Variants in SPAM1 observed in about 807,000 individuals in gnomAD.
SPAM1 encodes the protein hyaluronidase PH-20.
Under a neutral mutation model 29.6 loss-of-function variants are expected in SPAM1, and 22 were observed. The ratio of observed to expected loss-of-function variants is 0.74; its 90% CI spans 0.53 to 1.06. The LOEUF is 1.06. SPAM1 is among the 50% of genes least tolerant of loss of function. The pLI, the probability that SPAM1 is intolerant of heterozygous loss-of-function variation, is 0.00. For missense variants in SPAM1, 534 were observed against 604.0 expected (o/e 0.88, Z 1.21); for synonymous variants, 194 against 204.6 (o/e 0.95, Z 0.44).
chr7:123,959,751 T>C lies in SPAM1; in HGVS notation c.1312T>C (p.Tyr438His). The change falls in exon 5 of 5, where the codon TAT becomes CAT. Residue 438 changes from tyrosine (Y) to histidine (H), a missense_variant. Transcript: ENST00000682466. ...TTCTGAAAAATTTTATTGCAGCTGT[T>C]ATAGCACCTTGAGTTGTAAGGAGAA... ...QFSEKFYCSCYSTLSCKEKAD... is the reference protein window; with the variant it reads ...QFSEKFYCSCHSTLSCKEKAD... 6.2e-7 allele frequency: 1 copy of C among 1,613,272 alleles called. No individual in the cohort carries two copies. The highest frequency in any genetic ancestry group is 8.5e-7 in the Non-Finnish European group (1 of 1,179,556).
intron 5 of SPAM1, among the ~76,000 whole-genome samples, chr7:123,967,916 G>A (rs1008631054): frequency 2.6e-5 from 4 of 151,972 alleles, no homozygotes; most frequent in Non-Finnish European, 4.4e-5. Flanking sequence ...TCTAGGCCAG[G>A]GAGGATAAAG....
At chr7:123,968,187 G>A (rs189591608) in intron 5 of SPAM1, among the ~76,000 whole-genome samples, 2 of 152,168 alleles carry the variant, frequency 1.3e-5, no homozygotes, top group Admixed American at 1.3e-4. Flanking sequence ...GCAGAGCAGG[G>A]CTTGAGAGTA....
chr7:123,928,789 A>G (rs1365482863), intron 1 of SPAM1, among the ~76,000 whole-genome samples: 1 of 152,090 alleles, frequency 6.6e-6, no homozygotes. Flanking sequence ...GTGCAGGACA[A>G]TTGTTTTTTT....
rs761495330 is a variant in SPAM1, at chr7:123,959,788, A to G, written c.1349A>G (p.Lys450Arg). ...AGTTGTAAGGAGAAAGCTGATGTAA[A>G]AGACACTGATGCTGTTGATGTGTGT... The part of the protein sequence containing the change: ...TLSCKEKADV[K>R]DTDAVDVCIA... Residue 450 changes from lysine to arginine, a missense_variant, in exon 5 of 5, where the codon AAA (lysine) becomes AGA (arginine). Lys to Arg is a conservative substitution (Grantham distance 26). Transcript: ENST00000682466. The G allele has an allele frequency of 1.9e-6, 3 of 1,613,134 alleles. No individual in the cohort carries two copies. The highest frequency in any genetic ancestry group is 2.7e-5 in the African/African-American group (2 of 74,844).
chr7:123,935,586 A>G (rs901897272), intron 1 of SPAM1, among the ~76,000 whole-genome samples: 6 of 152,168 alleles, frequency 3.9e-5, no homozygotes, highest in African/African-American at 1.2e-4. Flanking sequence ...TCTCAGACAG[A>G]TAAGAATTCT....
chr7:123,964,470 A>G (rs558027075), downstream of SPAM1, among the ~76,000 whole-genome samples: 1 of 150,450 alleles, frequency 6.6e-6, no homozygotes, highest in Non-Finnish European at 1.5e-5. Context: ...ATCATTATAA[A>G]TAATTTTATT....
chr7:123,945,796 C>T (rs933465396), intron 1 of SPAM1, among the ~76,000 whole-genome samples: 20 of 151,838 alleles, frequency 1.3e-4, no homozygotes, highest in African/African-American at 1.5e-4. Context: ...GAAACCAAGC[C>T]CCTGTTTTTT....
At chr7:123,933,466 G>T (rs1318097251) in intron 1 of SPAM1, among the ~76,000 whole-genome samples, 2 of 152,160 alleles carry the variant, frequency 1.3e-5, no homozygotes, top group Non-Finnish European at 2.9e-5. Context: ...AAACAAAAAT[G>T]TTAAATTGTG....
At chr7:123,939,247 G>A (rs958333561) in intron 1 of SPAM1, among the ~76,000 whole-genome samples, 24 of 151,908 alleles carry the variant, frequency 1.6e-4, no homozygotes, top group African/African-American at 5.3e-4. Flanking sequence ...CATCATGCCC[G>A]GCTAATTTTT....
At chr7:123,928,284 A>T (rs1323307232) in intron 1 of SPAM1, among the ~76,000 whole-genome samples, 1 of 152,140 alleles carries the variant, frequency 6.6e-6, no homozygotes, top group African/African-American at 2.4e-5. Context: ...TGAGGCCCAG[A>T]TACTAATTGG....
chr7:123,950,939 G>T (rs6980098), intron 2 of SPAM1, among the ~76,000 whole-genome samples: 1 of 151,814 alleles, frequency 6.6e-6, no homozygotes, highest in Non-Finnish European at 1.5e-5. Flanking sequence ...TGACTTTTTA[G>T]TAATAGCCAT....
intron 3 of SPAM1, 26 bp from the exon 4 acceptor site, chr7:123,954,971 C>G (rs1792215761): frequency 6.5e-7 from 1 of 1,536,270 alleles, no homozygotes; most frequent in East Asian, 2.3e-5. Context: ...TTTTTATCTG[C>G]TAACTCTTTC....
At chr7:123,967,675 TA>T (rs1177442792) in intron 5 of SPAM1, among the ~76,000 whole-genome samples, 2 of 151,818 alleles carry the variant, frequency 1.3e-5, no homozygotes, top group African/African-American at 2.4e-5. Flanking sequence ...TGGAGACTGC[TA>T]AAATGCAAGA....
At chr7:123,958,560 G>T (rs1042244088) in intron 4 of SPAM1, among the ~76,000 whole-genome samples, 2 of 152,000 alleles carry the variant, frequency 1.3e-5, no homozygotes, top group Non-Finnish European at 2.9e-5. Flanking sequence ...AGGCATGGTG[G>T]ATCATGCCTG....
At position 123,953,834 on chromosome 7, in the gene SPAM1, TACA is replaced by T; in HGVS notation, c.266_268del (p.Thr89del). 6.2e-7 allele frequency: 1 copy of T among 1,613,610 alleles called. No homozygotes were observed. The highest frequency in any genetic ancestry group is 1.3e-5 in the African/African-American group (1 of 75,028). On this transcript the variant is annotated inframe_deletion, in exon 3 of 5. Transcript: ENST00000682466. ...GAATAAACGCCACCGGGCAAGGTGT[TACA>T]ATATTTTATGTTGATAGACTTGGCT...
At chr7:123,956,225 T>A (rs1478011301) in intron 4 of SPAM1, among the ~76,000 whole-genome samples, 2 of 152,014 alleles carry the variant, frequency 1.3e-5, no homozygotes, top group African/African-American at 4.8e-5. Flanking sequence ...GTCCTTCAAC[T>A]TTTATATGAT....
intron 1 of SPAM1, among the ~76,000 whole-genome samples, chr7:123,942,336 G>A (rs1563024816): frequency 6.6e-6 from 1 of 152,148 alleles, no homozygotes; most frequent in Non-Finnish European, 1.5e-5. Flanking sequence ...CTAACAACAG[G>A]TGTACTACAG....
intron 4 of SPAM1, among the ~76,000 whole-genome samples, chr7:123,958,585 T>C (rs1792295462): frequency 6.6e-6 from 1 of 151,970 alleles, no homozygotes; most frequent in African/African-American, 2.4e-5. Flanking sequence ...CCCAACACTG[T>C]GGAAGGATGG....
intron 4 of SPAM1, among the ~76,000 whole-genome samples, chr7:123,956,018 T>C (rs1792242324): frequency 6.6e-6 from 1 of 151,970 alleles, no homozygotes; most frequent in African/African-American, 2.4e-5. Context: ...CTCCATACTA[T>C]TTTCTTTTCT....
Sources: allele counts gnomAD v4.1 joint callset (sites outside exome capture counted in the v4.1 genomes callset), GRCh38; gene constraint gnomAD v4.1.1; transcripts MANE v1.5; gene names NCBI Gene and HGNC (gene_info 2026-07-23, HGNC 2026-07-21).